NBAS: variants seen among roughly 807,000 people sequenced by gnomAD.
The protein encoded by NBAS is NBAS subunit of NRZ tethering complex, also known as NAG/BC035112 fusion.
In NBAS, 219 loss-of-function variants were observed where a neutral mutation model predicts 302.5. That is an observed-to-expected ratio of 0.72 (90% CI 0.65 to 0.81). NBAS has a LOEUF of 0.81. Among genes scored for constraint, NBAS ranks in the 30% least tolerant of loss-of-function variants. The pLI, the probability that NBAS is intolerant of heterozygous loss-of-function variation, is 0.00. For synonymous variants in NBAS, 1,118 were observed against 1,021.6 expected (o/e 1.09, Z -1.80); for missense variants, 2,932 against 2,841.6 (o/e 1.03, Z -0.72).
the NBAS span, among the ~76,000 whole-genome samples, chr2:15,105,337 C>T: frequency 6.6e-6 from 1 of 152,078 alleles, no homozygotes; most frequent in East Asian, 1.9e-4. Flanking sequence ...CAGTAAACCA[C>T]CATGGCATGT....
chr2:15,263,827 T>TGGG (rs1668956433), intron 44 of NBAS, among the ~76,000 whole-genome samples: 1 of 152,144 alleles, frequency 6.6e-6, no homozygotes, highest in Non-Finnish European at 1.5e-5. Flanking sequence ...TTGTTTACCA[T>TGGG]CCCCATTTAT....
chr2:15,154,257 C>T, the NBAS span, among the ~76,000 whole-genome samples: 5 of 152,214 alleles, frequency 3.3e-5, no homozygotes, highest in Non-Finnish European at 7.3e-5. Flanking sequence ...AAGAAGTTGA[C>T]AGATGGAAAT....
chr2:15,470,314 T>C (rs1398658784), intron 16 of NBAS, among the ~76,000 whole-genome samples: 1 of 152,172 alleles, frequency 6.6e-6, no homozygotes, highest in African/African-American at 2.4e-5. Flanking sequence ...TCCACAACAG[T>C]AGATAAATGC....
the NBAS span, among the ~76,000 whole-genome samples, chr2:14,893,388 C>G: frequency 2.0e-5 from 3 of 152,040 alleles, no homozygotes; most frequent in Admixed American, 2.0e-4. Context: ...TTTTCTTCTT[C>G]CTAGTTTTTG....
intron 44 of NBAS, among the ~76,000 whole-genome samples, chr2:15,240,823 C>T (rs1454487936): frequency 6.6e-6 from 1 of 152,132 alleles, no homozygotes; most frequent in East Asian, 1.9e-4. Context: ...CATTGACTGA[C>T]AAGTATTAAT....
intron 6 of NBAS, 42 bp downstream of exon 6, chr2:15,551,451 C>CA: frequency 7.5e-7 from 1 of 1,339,536 alleles, no homozygotes. Flanking sequence ...AACCATTGCG[C>CA]ATTTGAAATT....
intron 25 of NBAS, among the ~76,000 whole-genome samples, chr2:15,412,386 C>T (rs1484673357): frequency 6.6e-6 from 1 of 152,074 alleles, no homozygotes; most frequent in African/African-American, 2.4e-5. Context: ...TCCTGAGTCC[C>T]CAAATGAATA....
At chr2:15,224,452 T>C (rs935247022) in intron 47 of NBAS, among the ~76,000 whole-genome samples, 1 of 152,192 alleles carries the variant, frequency 6.6e-6, no homozygotes, top group South Asian at 2.1e-4. Context: ...ATAAATGTCA[T>C]AGAATTTGAA....
chr2:14,924,016 G>A, the NBAS span, among the ~76,000 whole-genome samples: 816 of 152,218 alleles, frequency 5.4e-3, 13 homozygotes, highest in African/African-American at 0.019. Flanking sequence ...CCTTTTCCTC[G>A]CATATGCAAT....
chr2:14,786,753 A>G, the NBAS span, among the ~76,000 whole-genome samples: 23 of 152,226 alleles, frequency 1.5e-4, no homozygotes, highest in African/African-American at 4.8e-4. Flanking sequence ...TATGTGGTCA[A>G]TTTTGGAATA....
intron 16 of NBAS, 46 bp downstream of exon 16, chr2:15,473,176 T>C: frequency 1.3e-6 from 2 of 1,599,558 alleles, no homozygotes; most frequent in South Asian, 2.2e-5. Context: ...CAAAAGATAT[T>C]ACATGAATAT....
At chr2:15,288,995 T>A (rs565217609) in intron 41 of NBAS, among the ~76,000 whole-genome samples, 1 of 152,272 alleles carries the variant, frequency 6.6e-6, no homozygotes, top group East Asian at 1.9e-4. Context: ...TCTTTGTTCA[T>A]GGGCTATAAA....
At chr2:15,404,110 T>G (rs1676292427) in intron 25 of NBAS, among the ~76,000 whole-genome samples, 2 of 152,096 alleles carry the variant, frequency 1.3e-5, no homozygotes, top group Admixed American at 1.3e-4. Context: ...TAAATCGTCA[T>G]AACAATCCTA....
intron 33 of NBAS, among the ~76,000 whole-genome samples, chr2:15,355,825 T>C (rs1266136079): frequency 6.6e-6 from 1 of 152,130 alleles, no homozygotes; most frequent in African/African-American, 2.4e-5. Flanking sequence ...CCTGTACAGC[T>C]TGCAGAACTG....
chr2:15,069,143 TACC>T, the NBAS span, among the ~76,000 whole-genome samples: 2 of 152,244 alleles, frequency 1.3e-5, no homozygotes, highest in African/African-American at 4.8e-5. Flanking sequence ...CTTTCCGTGC[TACC>T]ACATTATGGA....
chr2:15,141,901 G>T, the NBAS span, among the ~76,000 whole-genome samples: 1 of 152,138 alleles, frequency 6.6e-6, no homozygotes, highest in Non-Finnish European at 1.5e-5. Flanking sequence ...GTCTGTACGG[G>T]TTTTGTTTTC....
intron 48 of NBAS, among the ~76,000 whole-genome samples, chr2:15,196,534 GCAAT>G (rs1260019851): frequency 1.3e-5 from 2 of 151,958 alleles, no homozygotes; most frequent in Non-Finnish European, 1.5e-5. Context: ...GAAAATGAAT[GCAAT>G]CAGAACAAAC....
chr2:15,278,583 G>C (rs1225308192), intron 42 of NBAS, among the ~76,000 whole-genome samples: 1 of 152,150 alleles, frequency 6.6e-6, no homozygotes, highest in Non-Finnish European at 1.5e-5. Context: ...ACGCCAAATA[G>C]ATGAGTGGAT....
intron 23 of NBAS, among the ~76,000 whole-genome samples, chr2:15,419,389 T>C (rs1321592104): frequency 1.3e-5 from 2 of 150,806 alleles, no homozygotes; most frequent in East Asian, 3.9e-4. Context: ...AAAGTAAAAA[T>C]TGTGTGTGTG....
Sources: allele counts gnomAD v4.1 joint callset (sites outside exome capture counted in the v4.1 genomes callset), GRCh38; gene constraint gnomAD v4.1.1; transcripts MANE v1.5; gene names NCBI Gene and HGNC (gene_info 2026-07-23, HGNC 2026-07-21).